ADCK1: variants seen among roughly 807,000 people sequenced by gnomAD.
ADCK1 encodes the protein aarF domain containing kinase 1, also known as aarF domain-containing protein kinase 1.
In ADCK1, 41 loss-of-function variants were observed where a neutral mutation model predicts 52.3. The ratio of observed to expected loss-of-function variants is 0.78; its 90% CI spans 0.61 to 1.02. The LOEUF (loss-of-function observed/expected upper bound fraction) is 1.02. Ranked by LOEUF, ADCK1 falls within the 50% of genes least tolerant of loss-of-function variation. ADCK1 has a pLI of 0.00. For synonymous variants in ADCK1, 250 were observed against 274.6 expected (o/e 0.91, Z 0.89); for missense variants, 658 against 679.5 (o/e 0.97, Z 0.35).
rs1566674177 is a variant in ADCK1, at chr14:77,859,080, A to G, written c.224A>G (p.His75Arg). 2 of 1,600,678 alleles carry G rather than the reference A, an allele frequency of 1.2e-6. No homozygotes were observed. Among genetic ancestry groups the G allele is most frequent in the Admixed American group, 3.4e-5 (2 of 59,282 alleles). The change falls in exon 4 of 11, where the codon CAC (histidine) becomes CGC (arginine). Residue 75 changes from histidine (H) to arginine (R), a missense_variant. Physicochemically the swap from His to Arg is conservative, Grantham distance 29 (BLOSUM62 0). Coordinates refer to ENST00000238561, the MANE Select transcript of ADCK1 (RefSeq NM_020421.4). ...EEYLQLRSKVHLRSARRLCEL... is the reference protein window; with the variant it reads ...EEYLQLRSKVRLRSARRLCEL... The stretch of plus-strand genomic sequence containing the variant: ...TCCTGGCCTGTCTTCCTGCAGGTGC[A>G]CCTTCGCTCTGCCAGGCGTCTCTGT...
In ADCK1 at chr14:77,933,341, G is replaced by T. The variant is rs1025863676; in HGVS notation, c.1522G>T (p.Ala508Ser). The T allele has an allele frequency of 4.3e-6, 7 of 1,613,996 alleles. No homozygotes were observed. Among genetic ancestry groups the T allele is most frequent in the African/African-American group, 1.3e-5 (1 of 74,896 alleles). The change falls in exon 11 of 11, where the codon GCT becomes TCT. Residue 508 changes from alanine (A) to serine (S), a missense_variant. Physicochemically the swap from Ala to Ser is moderately conservative, Grantham distance 99 (BLOSUM62 1). Coordinates refer to ENST00000238561, the MANE Select transcript of ADCK1 (RefSeq NM_020421.4). ...LILRVKGLKL[A>S]DRVLALICWL... ...CCTGCGTGTGAAGGGGTTGAAGCTG[G>T]CTGACCGGGTCTTGGCCCTAATATG...
At chr14:77,854,512 G>C (rs2082376022) in intron 3 of ADCK1, among the ~76,000 whole-genome samples, 1 of 150,650 alleles carries the variant, frequency 6.6e-6, no homozygotes, top group Non-Finnish European at 1.5e-5. Context: ...TCCTCCCAGG[G>C]TCAACTAATT....
intron 5 of ADCK1, among the ~76,000 whole-genome samples, chr14:77,891,343 G>T (rs1054889242): frequency 7.2e-5 from 11 of 152,176 alleles, no homozygotes; most frequent in Non-Finnish European, 1.6e-4. Flanking sequence ...AGCTGGGAGA[G>T]ACCTGGGAGA....
chr14:77,817,116 C>A (rs1329289006), intron 1 of ADCK1, among the ~76,000 whole-genome samples: 1 of 151,956 alleles, frequency 6.6e-6, no homozygotes, highest in Non-Finnish European at 1.5e-5. Context: ...GTGGTGGCCA[C>A]CTGTAATCCC....
chr14:77,852,652 AATAAATAAATATATATATATAT>A (rs1416464599), intron 3 of ADCK1, among the ~76,000 whole-genome samples: 9 of 32,608 alleles, frequency 2.8e-4, no homozygotes, highest in Admixed American at 5.6e-4. Context: ...TATTTCTTTA[AATAAATAAATATATATATATAT>A]ATATATATAT....
chr14:77,803,419 A>G (rs775095666), intron 1 of ADCK1, among the ~76,000 whole-genome samples: 1 of 152,216 alleles, frequency 6.6e-6, no homozygotes, highest in African/African-American at 2.4e-5. Flanking sequence ...GAAAAGGCCT[A>G]GCTAGTCACT....
chr14:77,900,644 G>A, intron 6 of ADCK1: 1 of 454,376 alleles, frequency 2.2e-6, no homozygotes, highest in South Asian at 1.6e-5. Context: ...GGCCAGATGT[G>A]GGTGACTCAC....
intron 3 of ADCK1, among the ~76,000 whole-genome samples, chr14:77,837,239 T>C (rs1323890113): frequency 6.7e-6 from 1 of 150,266 alleles, no homozygotes; most frequent in African/African-American, 2.5e-5. Flanking sequence ...TGGGTTCAAG[T>C]GATTCTCCTG....
Position 77,894,736 on chromosome 14 carries a change from G to GTTTTTT in ADCK1, c.583-4341_583-4336dup. Among the ~76,000 whole-genome samples the GTTTTTT allele has an allele frequency of 2.4e-3, 87 of 36,476 alleles. 10 individuals carry two copies. Among genetic ancestry groups the GTTTTTT allele is most frequent in the Non-Finnish European group, 3.5e-3 (59 of 16,926 alleles). The allele number at this position is 36,476 out of a possible 152,430, so 23.9% of individuals were successfully genotyped here. ...TTATTTCTTTTTCTTTTCTTTTCTT[G>GTTTTTT]TTTTTTTTTTTTTTTTTTTTTTTTT... On this transcript the variant is annotated intron_variant, in intron 5 of 10. Coordinates refer to ENST00000238561, the MANE Select transcript of ADCK1 (RefSeq NM_020421.4).
chr14:77,825,549 C>A (rs565406279), intron 3 of ADCK1, among the ~76,000 whole-genome samples: 1 of 152,128 alleles, frequency 6.6e-6, no homozygotes, highest in Non-Finnish European at 1.5e-5. Flanking sequence ...TTGGTCTGTG[C>A]TGTGAATCTC....
chr14:77,848,656 G>A (rs1213908772), intron 3 of ADCK1, among the ~76,000 whole-genome samples: 1 of 151,922 alleles, frequency 6.6e-6, no homozygotes, highest in Non-Finnish European at 1.5e-5. Context: ...AATAGAGATA[G>A]GGTTTTGCCA....
chr14:77,852,837 A>G (rs1192428889), intron 3 of ADCK1, among the ~76,000 whole-genome samples: 1 of 126,988 alleles, frequency 7.9e-6, no homozygotes, highest in East Asian at 2.1e-4. Context: ...TTCATTCTGA[A>G]TAGTTTCTAT....
intron 9 of ADCK1, among the ~76,000 whole-genome samples, chr14:77,930,494 C>T (rs995070647): frequency 6.6e-6 from 1 of 152,088 alleles, no homozygotes; most frequent in Non-Finnish European, 1.5e-5. Flanking sequence ...GGTGAGGACA[C>T]TAAGTTGAAA....
At chr14:77,835,744 T>TC (rs2081947368) in intron 3 of ADCK1, among the ~76,000 whole-genome samples, 1 of 152,170 alleles carries the variant, frequency 6.6e-6, no homozygotes, top group African/African-American at 2.4e-5. Context: ...CAATTGATCC[T>TC]CCCATCTTAG....
chr14:77,896,371 C>A (rs1277867301), intron 5 of ADCK1, among the ~76,000 whole-genome samples: 1 of 152,220 alleles, frequency 6.6e-6, no homozygotes, highest in African/African-American at 2.4e-5. Context: ...TGGTAATTAC[C>A]TGGAGGGTAA....
intron 3 of ADCK1, among the ~76,000 whole-genome samples, chr14:77,844,457 T>C (rs1047545461): frequency 2.0e-5 from 3 of 152,184 alleles, no homozygotes; most frequent in African/African-American, 7.2e-5. Flanking sequence ...CAGTGCTCAA[T>C]GCAAAGGAAC....
intron 3 of ADCK1, among the ~76,000 whole-genome samples, chr14:77,844,437 C>T (rs2082135432): frequency 6.6e-6 from 1 of 152,150 alleles, no homozygotes; most frequent in Non-Finnish European, 1.5e-5. Context: ...TGACTGGAAC[C>T]TTCTGGAAAC....
Position 77,859,167 on chromosome 14 carries a change from A to T in ADCK1, c.311A>T (p.Asp104Val), listed in dbSNP as rs373310949. The T allele has an allele frequency of 1.9e-6, 3 of 1,613,828 alleles. No homozygotes were observed. Among genetic ancestry groups the T allele is most frequent in the Non-Finnish European group, 2.5e-6 (3 of 1,179,986 alleles). The change falls in exon 4 of 11, where the codon GAC becomes GTC. Residue 104 changes from aspartate (D) to valine (V), a missense_variant. Transcript: ENST00000238561. ...GTGGGCCAGCACCTGGGGGCTCTGG[A>T]CTACCTGTTGCCAGAGGAGTACACC... is the stretch of plus-strand genomic sequence containing the variant. ...IKVGQHLGALDYLLPEEYTST... is the reference protein window; with the variant it reads ...IKVGQHLGALVYLLPEEYTST...
At chr14:77,931,758 GC>G (rs2084346609) in intron 10 of ADCK1, 47 bp downstream of exon 10, 1 of 1,559,914 alleles carries the variant, frequency 6.4e-7, no homozygotes, top group African/African-American at 1.4e-5. Context: ...CCCCTGGCCT[GC>G]CCCAGGGGTC....
Sources: allele counts gnomAD v4.1 joint callset (sites outside exome capture counted in the v4.1 genomes callset), GRCh38; gene constraint gnomAD v4.1.1; transcripts MANE v1.5; gene names NCBI Gene and HGNC (gene_info 2026-07-23, HGNC 2026-07-21).